Variants in CHSY1 observed in about 807,000 individuals in gnomAD.
CHSY1 encodes the protein N-acetylgalactosaminyl-proteoglycan 3-beta-glucuronosyltransferase 1.
A neutral mutation model predicts 59.8 loss-of-function variants in CHSY1; 13 were observed. That is an observed-to-expected ratio of 0.22 (90% CI 0.14 to 0.35). The LOEUF (loss-of-function observed/expected upper bound fraction) is 0.35. Among genes scored for constraint, CHSY1 ranks in the 10% least tolerant of loss-of-function variants. CHSY1 has a pLI of 1.00. For missense variants in CHSY1, 947 were observed against 1,030.6 expected (o/e 0.92, Z 1.11); for synonymous variants, 459 against 401.2 (o/e 1.14, Z -1.72).
intron 1 of CHSY1, among the ~76,000 whole-genome samples, chr15:101,249,759 C>G (rs1017271649): frequency 1.3e-5 from 2 of 152,144 alleles, no homozygotes; most frequent in Non-Finnish European, 2.9e-5. Flanking sequence ...AGGCGATCCG[C>G]CCGCCTCGGC....
intron 1 of CHSY1, among the ~76,000 whole-genome samples, chr15:101,245,845 G>A (rs1310707101): frequency 2.0e-5 from 3 of 152,188 alleles, no homozygotes; most frequent in African/African-American, 4.8e-5. Context: ...TCACTTACAG[G>A]TTGATTATTT....
chr15:101,224,575 T>C (rs1198734983), intron 2 of CHSY1, among the ~76,000 whole-genome samples: 3 of 152,208 alleles, frequency 2.0e-5, no homozygotes, highest in East Asian at 1.9e-4. Context: ...CGCAGATCAC[T>C]GGACTCCACC....
chr15:101,222,173 A>G, intron 2 of CHSY1, among the ~76,000 whole-genome samples: 1 of 152,220 alleles, frequency 6.6e-6, no homozygotes, highest in East Asian at 1.9e-4. Context: ...TTAGAAGTCA[A>G]TAAGCTAAAA....
intron 2 of CHSY1, among the ~76,000 whole-genome samples, chr15:101,184,062 G>T (rs151242601): frequency 7.3e-4 from 111 of 152,220 alleles, no homozygotes; most frequent in African/African-American, 2.6e-3. Flanking sequence ...TTTATTCCTG[G>T]CCGTCCATAC....
rs1318982115 is a variant in CHSY1, at chr15:101,251,771, CCGG to C, written c.-318_-316del. The C allele has an allele frequency of 6.7e-6, 1 of 149,658 alleles. No individual in the cohort carries two copies. Among genetic ancestry groups the C allele is most frequent in the East Asian group, 2.0e-4 (1 of 5,074 alleles). The allele number at this position is 149,658 out of a possible 1,614,324, so 9.3% of individuals were successfully genotyped here. ...CCCGCTCGCGCGCGGGGACGCGGGG[CCGG>C]CACGACGGCGACGACGGCGGCGGCA... On this transcript the variant is annotated 5_prime_UTR_variant, in exon 1 of 3. Transcript: ENST00000254190.
chr15:101,206,913 T>G (rs1271529889), intron 2 of CHSY1, among the ~76,000 whole-genome samples: 1 of 152,158 alleles, frequency 6.6e-6, no homozygotes, highest in Non-Finnish European at 1.5e-5. Context: ...ATAAAAAAAG[T>G]CTCTCTCCCA....
chr15:101,186,319 CAAATAAATAAAT>C (rs71903953), intron 2 of CHSY1, among the ~76,000 whole-genome samples: 3,325 of 147,332 alleles, frequency 0.023, 51 homozygotes, highest in East Asian at 0.1. Context: ...GACCCTGTCT[CAAATAAATAAAT>C]AAATAAATAA....
At chr15:101,230,068 A>T (rs2141272177) in intron 2 of CHSY1, among the ~76,000 whole-genome samples, 1 of 151,236 alleles carries the variant, frequency 6.6e-6, no homozygotes, top group African/African-American at 2.4e-5. Flanking sequence ...CAGCCTCCAG[A>T]GTAACTAGGA....
chr15:101,204,529 T>C (rs28705064), intron 2 of CHSY1, among the ~76,000 whole-genome samples: 4,269 of 151,614 alleles, frequency 0.028, 170 homozygotes, highest in African/African-American at 0.098. Flanking sequence ...ATCAGGGAAT[T>C]TGGGTGAAAG....
chr15:101,210,077 A>G (rs1356831397), intron 2 of CHSY1, among the ~76,000 whole-genome samples: 1 of 152,198 alleles, frequency 6.6e-6, no homozygotes, highest in Non-Finnish European at 1.5e-5. Flanking sequence ...AACTTTCTGA[A>G]TGTTTCTAGG....
At chr15:101,186,575 G>A (rs80255688) in intron 2 of CHSY1, 9,766 of 152,174 alleles carry the variant, frequency 0.064, 726 homozygotes, top group East Asian at 0.36. Flanking sequence ...GGGCTGAGGC[G>A]GGAGGACTGC....
At position 101,177,126 on chromosome 15, in the gene CHSY1, T is replaced by C. The variant is rs2038200999; in HGVS notation, c.*262A>G. 2 of 376,798 alleles carry C rather than the reference T, an allele frequency of 5.3e-6. No individual in the cohort carries two copies. Among genetic ancestry groups the C allele is most frequent in the Non-Finnish European group, 9.6e-6 (2 of 209,274 alleles). 23.3% of individuals were successfully genotyped at this position (376,798 alleles called of 1,614,324 possible). ...AGCAAAGGGTCTCAAAAGAAAACATTTTTTTAAAAAAGTTTTGTTCATCAG... is the reference window on the plus strand; with the variant it reads ...AGCAAAGGGTCTCAAAAGAAAACATCTTTTTAAAAAAGTTTTGTTCATCAG... On this transcript the variant is annotated 3_prime_UTR_variant, in exon 3 of 3. Transcript: ENST00000254190.
At chr15:101,199,130 A>C (rs1200474344) in intron 2 of CHSY1, among the ~76,000 whole-genome samples, 2 of 152,066 alleles carry the variant, frequency 1.3e-5, no homozygotes, top group East Asian at 3.9e-4. Flanking sequence ...TGTTTTCCTG[A>C]CACCAAGACA....
intron 2 of CHSY1, among the ~76,000 whole-genome samples, chr15:101,195,742 GTGAA>G (rs2038497657): frequency 6.6e-6 from 1 of 150,724 alleles, no homozygotes; most frequent in Admixed American, 6.6e-5. Context: ...AGAGAATGGT[GTGAA>G]CCTGGGAGGC....
rs1455693406 is a variant in CHSY1 at position 101,177,681 on chromosome 15, C to T, written c.2116G>A (p.Val706Met). ...TGGATGGAAACATCAAAGCCACCCA[C>T]TCGGACAAGATCTCCCTTATAAATA... is the stretch of plus-strand genomic sequence containing the variant. ...TCIYKGDLVR[V>M]GGFDVSIQGW... Residue 706 changes from valine to methionine, a missense_variant, in exon 3 of 3, where the codon GTG becomes ATG. By Grantham distance (21) the Val-to-Met change is conservative (BLOSUM62 1). This residue lies in a region of CHSY1 where 602 missense variants were observed against 676.9 expected (regional missense o/e 0.89). Coordinates refer to ENST00000254190, the MANE Select transcript of CHSY1 (RefSeq NM_014918.5). 3 of 1,614,120 alleles carry T rather than the reference C, an allele frequency of 1.9e-6. No individual in the cohort carries two copies. The African/African-American group carries it at 4.0e-5, about 22-fold the overall frequency.
At chr15:101,239,866 T>C (rs2038985578) in intron 1 of CHSY1, among the ~76,000 whole-genome samples, 3 of 152,294 alleles carry the variant, frequency 2.0e-5, no homozygotes, top group East Asian at 3.9e-4. Flanking sequence ...AGCTTCATTA[T>C]AGTTTGGCCC....
At chr15:101,221,892 TTA>T (rs141835665) in intron 2 of CHSY1, among the ~76,000 whole-genome samples, 46,800 of 151,612 alleles carry the variant, frequency 0.31, 8,847 homozygotes, top group African/African-American at 0.54. Flanking sequence ...CTTTTTTTTT[TTA>T]AAATCCCTGC....
At chr15:101,232,162 A>C (rs2141273477) in intron 2 of CHSY1, among the ~76,000 whole-genome samples, 1 of 152,366 alleles carries the variant, frequency 6.6e-6, no homozygotes, top group Admixed American at 6.5e-5. Context: ...TCGCCAAAAA[A>C]AACACTATAC....
rs2039090768 is a variant in CHSY1 at position 101,250,012 on chromosome 15, C to CT, written c.320+1124_320+1125insA. The stretch of plus-strand genomic sequence containing the variant: ...AGTCCTTTACTTTCTCCCTTAAAGG[C>CT]AAGGGAGACCATATATGCTTTTCCC... On this transcript the variant is annotated intron_variant, in intron 1 of 2. Coordinates refer to ENST00000254190, the MANE Select transcript of CHSY1 (RefSeq NM_014918.5). 2.6e-5 allele frequency among the ~76,000 whole-genome samples: 4 copies of CT among 152,300 alleles called. No individual in the cohort carries two copies. In the South Asian group the frequency reaches 8.3e-4, roughly 32 times the overall value.
Sources: gnomAD v4.1 joint callset for allele counts (sites outside exome capture counted in the v4.1 genomes callset) on GRCh38, gnomAD v4.1.1 for gene constraint, gnomAD v4.1.1 regional missense constraint, MANE v1.5 for transcripts, NCBI Gene and HGNC (gene_info 2026-07-23, HGNC 2026-07-21) for gene names.